The following SMARCA5 variants were observed in gnomAD, a reference collection of about 807,000 sequenced individuals.
SMARCA5 encodes SWI/SNF-related matrix-associated actin-dependent regulator of chromatin subfamily A member 5.
SMARCA5 carries 18 observed loss-of-function variants against 140.4 expected under a neutral mutation model. That is an observed-to-expected ratio of 0.13 (90% confidence interval 0.09 to 0.19). SMARCA5 has a LOEUF of 0.19. Among genes scored for constraint, SMARCA5 ranks in the 10% least tolerant of loss-of-function variants. SMARCA5 has a pLI of 1.00. For missense variants in SMARCA5, 606 were observed against 1,276.8 expected (o/e 0.47, Z 8.01); for synonymous variants, 449 against 419.6 (o/e 1.07, Z -0.86).
At position 143,553,850 on chromosome 4, in the gene SMARCA5, T is replaced by G. The variant is rs1349657472; in HGVS notation, c.*666T>G. The G allele has an allele frequency of 3.3e-5, 5 of 152,024 alleles. No individual in the cohort carries two copies. The highest frequency in any genetic ancestry group is 1.5e-5 in the Non-Finnish European group (1 of 67,944). The allele number at this position is 152,024 out of a possible 1,614,324, so 9.4% of individuals were successfully genotyped here. A position where few individuals can be genotyped will look rare whatever the true frequency, so the allele number is the denominator to read the frequency against. ...AGACATTTAGTATTTTCCGGTTCCT[T>G]AAGGTATTACTGTACCATTTTGTAA... is the stretch of plus-strand genomic sequence containing the variant. On this transcript the variant is annotated 3_prime_UTR_variant, in exon 24 of 24. Transcript: ENST00000283131.
At position 143,553,507 on chromosome 4, in the gene SMARCA5, G is replaced by A. The variant is rs963680309; in HGVS notation, c.*323G>A. On this transcript the variant is annotated 3_prime_UTR_variant, in exon 24 of 24. Transcript: ENST00000283131. Reference sequence around the variant, plus strand: ...TTAGCTATAATTTCTACACTTGTAAGGCTTAAAAACAAGTTAAAAAGAAAA... The same window carrying A: ...TTAGCTATAATTTCTACACTTGTAAAGCTTAAAAACAAGTTAAAAAGAAAA... 9 of 219,252 alleles carry A rather than the reference G, an allele frequency of 4.1e-5. No homozygotes were observed. In the Admixed American group the frequency reaches 4.9e-4, roughly 12 times the overall value. The allele number at this position is 219,252 out of a possible 1,614,324, so 13.6% of individuals were successfully genotyped here. A position where few individuals can be genotyped will look rare whatever the true frequency, so the allele number is the denominator to read the frequency against.
chr4:143,544,989 CAGG>C, intron 17 of SMARCA5, 142 bp downstream of exon 17: 1 of 535,922 alleles, frequency 1.9e-6, no homozygotes, highest in East Asian at 3.3e-5. Context: ...ACTCTGTTAC[CAGG>C]AGTTCAGTGG....
At chr4:143,535,257 A>C (rs1737279404) in intron 10 of SMARCA5, among the ~76,000 whole-genome samples, 1 of 152,188 alleles carries the variant, frequency 6.6e-6, no homozygotes, top group South Asian at 2.1e-4. Flanking sequence ...TTTAAAAAGG[A>C]AACTGTGATA....
chr4:143,514,413 T>TC (rs763155677), intron 1 of SMARCA5: 76 of 319,954 alleles, frequency 2.4e-4, no homozygotes, highest in Non-Finnish European at 3.2e-4. Context: ...ATCGTTTTTT[T>TC]CCCACTAGAC....
In SMARCA5 at chr4:143,555,502, T is replaced by C. The variant is rs1316221763; in HGVS notation, c.*2318T>C. 4.2e-6 allele frequency: 2 copies of C among 471,692 alleles called. No homozygotes were observed. The highest frequency in any genetic ancestry group is 4.0e-5 in the African/African-American group (2 of 49,498). 29.2% of individuals were successfully genotyped at this position (471,692 alleles called of 1,614,324 possible). On this transcript the variant is annotated 3_prime_UTR_variant, in exon 24 of 24. Coordinates refer to ENST00000283131, the MANE Select transcript of SMARCA5 (RefSeq NM_003601.4). ...ACACAGGGTTTCAGTGTAGATTGTT[T>C]TGTTTTGTACCCATGCTGTTGATTG...
chr4:143,544,666 A>G, intron 16 of SMARCA5, 71 bp from the exon 17 acceptor site: 1 of 857,256 alleles, frequency 1.2e-6, no homozygotes. Context: ...ATTTACAAAC[A>G]TCCTTCTTGA....
intron 8 of SMARCA5, among the ~76,000 whole-genome samples, chr4:143,529,732 G>T (rs1737145747): frequency 6.6e-6 from 1 of 152,112 alleles, no homozygotes; most frequent in Admixed American, 6.6e-5. Flanking sequence ...TTATAAAAAG[G>T]TATTAATTAA....
intron 8 of SMARCA5, among the ~76,000 whole-genome samples, chr4:143,529,191 T>C (rs1737132923): frequency 6.6e-6 from 1 of 152,176 alleles, no homozygotes; most frequent in Non-Finnish European, 1.5e-5. Context: ...TGCCTCAGCC[T>C]CCCAAAGTGC....
At chr4:143,541,811 A>G (rs1737431867) in intron 14 of SMARCA5, among the ~76,000 whole-genome samples, 1 of 151,886 alleles carries the variant, frequency 6.6e-6, no homozygotes, top group Non-Finnish European at 1.5e-5. Flanking sequence ...GTGTTTTGAA[A>G]TACACCTGCC....
chr4:143,555,452 G>T lies in SMARCA5; in HGVS notation c.*2268G>T, dbSNP rs974984758. On this transcript the variant is annotated 3_prime_UTR_variant, in exon 24 of 24. Coordinates refer to ENST00000283131, the MANE Select transcript of SMARCA5 (RefSeq NM_003601.4). ...TGTGACTAATTGTATAATAGTTTCT[G>T]TTCTGTGGAAAGTAAAGCATTCCAA... The T allele has an allele frequency of 1.4e-5, 8 of 554,788 alleles. No homozygotes were observed. Among genetic ancestry groups the T allele is most frequent in the Admixed American group, 4.8e-5 (2 of 41,416 alleles). The allele number at this position is 554,788 out of a possible 1,614,324, so 34.4% of individuals were successfully genotyped here.
In SMARCA5 at chr4:143,516,125, A is replaced by G. The variant is rs1028921780; in HGVS notation, c.178-1230A>G. Among the ~76,000 whole-genome samples, 5 of 152,112 alleles carry G rather than the reference A, an allele frequency of 3.3e-5. No homozygotes were observed. In the East Asian group the frequency reaches 9.6e-4, roughly 29 times the overall value. ...AATCTGTTTTGCACTTGGAAAATGA[A>G]TATTTTATAAATGACTTTTTCTTGT... On this transcript the variant is annotated intron_variant, in intron 1 of 23. Transcript: ENST00000283131.
In SMARCA5 at chr4:143,553,430, G is replaced by C. The variant is rs1011844023; in HGVS notation, c.*246G>C. The C allele has an allele frequency of 2.8e-6, 1 of 360,456 alleles. No homozygotes were observed. The highest frequency in any genetic ancestry group is 5.0e-6 in the Non-Finnish European group (1 of 198,964). The allele number at this position is 360,456 out of a possible 1,614,324, so 22.3% of individuals were successfully genotyped here. On this transcript the variant is annotated 3_prime_UTR_variant, in exon 24 of 24. Transcript: ENST00000283131. ...TCATTTATTACTAAGTGTTTCATTT[G>C]ATTTATTTTTCTATTGTAGTTCCAT...
chr4:143,513,776 G>T lies in SMARCA5; in HGVS notation c.-149G>T, dbSNP rs1404502961. On this transcript the variant is annotated 5_prime_UTR_variant, in exon 1 of 24. Coordinates refer to ENST00000283131, the MANE Select transcript of SMARCA5 (RefSeq NM_003601.4). ...CAGCTCCTGGGCCCGGCTCAGGCCC[G>T]TCGCGGAGGCGCGGCGCAGGGGAGC... is the stretch of plus-strand genomic sequence containing the variant. 3 of 887,112 alleles carry T rather than the reference G, an allele frequency of 3.4e-6. No individual in the cohort carries two copies. Among genetic ancestry groups the T allele is most frequent in the Non-Finnish European group, 3.4e-6 (2 of 593,494 alleles). The allele number at this position is 887,112 out of a possible 1,614,324, so 55.0% of individuals were successfully genotyped here.
intron 21 of SMARCA5, 48 bp downstream of exon 21, chr4:143,547,551 C>G (rs1269861825): frequency 1.0e-6 from 1 of 968,466 alleles, no homozygotes; most frequent in East Asian, 2.4e-5. Flanking sequence ...TAACTCCTAG[C>G]TGTGAGTATG....
chr4:143,521,693 T>TA, intron 3 of SMARCA5, 98 bp downstream of exon 3: 1 of 1,075,238 alleles, frequency 9.3e-7, no homozygotes, highest in Non-Finnish European at 1.3e-6. Flanking sequence ...TAAAATTATT[T>TA]TAGTGCCATT....
At chr4:143,529,619 T>G (rs993961817) in intron 8 of SMARCA5, among the ~76,000 whole-genome samples, 4 of 152,240 alleles carry the variant, frequency 2.6e-5, no homozygotes, top group African/African-American at 4.8e-5. Flanking sequence ...TTTTTTTGCC[T>G]GGACCAGTGT....
chr4:143,526,746 C>G (rs1482605328), intron 6 of SMARCA5, among the ~76,000 whole-genome samples: 1 of 151,870 alleles, frequency 6.6e-6, no homozygotes, highest in Non-Finnish European at 1.5e-5. Context: ...GGCCTGTAGT[C>G]CCAGCTACTT....
chr4:143,516,624 AC>A (rs1175821235), intron 1 of SMARCA5, among the ~76,000 whole-genome samples: 2 of 152,214 alleles, frequency 1.3e-5, no homozygotes, highest in East Asian at 3.8e-4. Context: ...CTATTCCAGT[AC>A]CGTACCAGAT....
At chr4:143,544,928 A>T in intron 17 of SMARCA5, 81 bp downstream of exon 17, 3 of 662,460 alleles carry the variant, frequency 4.5e-6, no homozygotes, top group Non-Finnish European at 5.2e-6. Context: ...AAAAAGATTG[A>T]TAATTAGATT....
Sources: allele counts gnomAD v4.1 joint callset (sites outside exome capture counted in the v4.1 genomes callset), GRCh38; gene constraint gnomAD v4.1.1; transcripts MANE v1.5; gene names NCBI Gene and HGNC (gene_info 2026-07-23, HGNC 2026-07-21).